SOBP: variants seen among roughly 807,000 people sequenced by gnomAD.
SOBP encodes sine oculis binding protein homolog, also known as sine oculis-binding protein homolog.
In SOBP, 4 loss-of-function variants were observed where a neutral mutation model predicts 53.6. The ratio of observed to expected loss-of-function variants is 0.07; its 90% CI spans 0.04 to 0.17. The LOEUF is 0.17. Among genes scored for constraint, SOBP ranks in the 10% least tolerant of loss-of-function variants. The pLI, the probability that SOBP is intolerant of heterozygous loss-of-function variation, is 1.00. For synonymous variants in SOBP, 584 were observed against 522.6 expected (o/e 1.12, Z -1.60); for missense variants, 1,088 against 1,204.7 (o/e 0.90, Z 1.43).
Position 107,587,323 on chromosome 6 carries a change from A to G in SOBP, c.669+148A>G. ...TAAATGCTAATTCTGATATCACTGAATATTAATTTTAAGATCTCAAATTGT... is the reference window on the plus strand; with the variant it reads ...TAAATGCTAATTCTGATATCACTGAGTATTAATTTTAAGATCTCAAATTGT... On this transcript the variant is annotated intron_variant, in intron 5 of 6. Coordinates refer to ENST00000317357, the MANE Select transcript of SOBP (RefSeq NM_018013.4). 7.3e-6 allele frequency: 5 copies of G among 680,342 alleles called. No individual in the cohort carries two copies. In the South Asian group the frequency reaches 8.5e-5, roughly 12 times the overall value. The allele number at this position is 680,342 out of a possible 1,614,324, so 42.1% of individuals were successfully genotyped here. A position where few individuals can be genotyped will look rare whatever the true frequency, so the allele number is the denominator to read the frequency against.
At chr6:107,629,547 G>C (rs1466988910) in intron 5 of SOBP, among the ~76,000 whole-genome samples, 1 of 152,156 alleles carries the variant, frequency 6.6e-6, no homozygotes, top group Non-Finnish European at 1.5e-5. Context: ...AAAAATAAAG[G>C]CTCAGTTGCC....
rs145235260 is a variant in SOBP, at chr6:107,604,783, T to G, written c.669+17608T>G. 1.6e-4 allele frequency among the ~76,000 whole-genome samples: 24 copies of G among 152,310 alleles called. No homozygotes were observed. The East Asian group carries it at 4.4e-3, about 28-fold the overall frequency. On this transcript the variant is annotated intron_variant, in intron 5 of 6. Transcript: ENST00000317357. ...TTTCCGGACCCAGACCTGCAAATTG[T>G]GTCAGCACCTTGGAGCCTCCGAATC...
At chr6:107,569,968 G>A (rs1785027404) in intron 4 of SOBP, among the ~76,000 whole-genome samples, 1 of 152,126 alleles carries the variant, frequency 6.6e-6, no homozygotes, top group Non-Finnish European at 1.5e-5. Context: ...TCCCTCAACT[G>A]GGGCCCATGA....
At chr6:107,607,462 A>G in intron 5 of SOBP, among the ~76,000 whole-genome samples, 1 of 152,200 alleles carries the variant, frequency 6.6e-6, no homozygotes, top group East Asian at 1.9e-4. Context: ...AAACGCTGGC[A>G]TTGTTGCAGA....
At chr6:107,520,280 T>C (rs1783443741) in intron 3 of SOBP, among the ~76,000 whole-genome samples, 1 of 152,122 alleles carries the variant, frequency 6.6e-6, no homozygotes, top group South Asian at 2.1e-4. Flanking sequence ...TTTAAATGGA[T>C]TGTGTTATTG....
chr6:107,512,187 T>TA (rs1783189814), intron 3 of SOBP, among the ~76,000 whole-genome samples: 2 of 152,248 alleles, frequency 1.3e-5, no homozygotes, highest in East Asian at 1.9e-4. Context: ...TTTGCTAATT[T>TA]AAAAAATCAC....
At chr6:107,652,657 G>T (rs1771852790) in intron 6 of SOBP, among the ~76,000 whole-genome samples, 1 of 152,202 alleles carries the variant, frequency 6.6e-6, no homozygotes, top group Non-Finnish European at 1.5e-5. Flanking sequence ...AGCATGGCAT[G>T]ACACAGAGAA....
chr6:107,561,661 G>A (rs1784776338), intron 4 of SOBP, among the ~76,000 whole-genome samples: 1 of 152,186 alleles, frequency 6.6e-6, no homozygotes, highest in African/African-American at 2.4e-5. Context: ...TTCCTTGTCA[G>A]GTGAAGAAGC....
At chr6:107,604,920 A>T (rs1786316235) in intron 5 of SOBP, among the ~76,000 whole-genome samples, 1 of 152,312 alleles carries the variant, frequency 6.6e-6, no homozygotes, top group East Asian at 1.9e-4. Context: ...GCACTGTGAA[A>T]AATTTAAAAT....
At chr6:107,588,832 C>A (rs1448159495) in intron 5 of SOBP, among the ~76,000 whole-genome samples, 1 of 152,122 alleles carries the variant, frequency 6.6e-6, no homozygotes, top group Non-Finnish European at 1.5e-5. Context: ...TAGTTTTGAG[C>A]AATTTGGTAC....
At chr6:107,532,270 CACCACACA>C (rs1562594174) in intron 3 of SOBP, among the ~76,000 whole-genome samples, 1 of 146,052 alleles carries the variant, frequency 6.8e-6, no homozygotes, top group African/African-American at 2.6e-5. Flanking sequence ...CACACACACA[CACCACACA>C]CACACACACA....
At chr6:107,646,594 G>T (rs1249733974) in intron 6 of SOBP, among the ~76,000 whole-genome samples, 1 of 152,228 alleles carries the variant, frequency 6.6e-6, no homozygotes, top group African/African-American at 2.4e-5. Flanking sequence ...GAAAGGCTCA[G>T]GGGGCTTGCT....
intron 5 of SOBP, among the ~76,000 whole-genome samples, chr6:107,622,994 T>C (rs1770248867): frequency 1.3e-5 from 2 of 152,224 alleles, no homozygotes; most frequent in African/African-American, 4.8e-5. Context: ...AAGGGAATCC[T>C]ACTTTGACCA....
intron 4 of SOBP, among the ~76,000 whole-genome samples, chr6:107,570,138 T>G (rs890738908): frequency 6.6e-6 from 1 of 152,218 alleles, no homozygotes; most frequent in Non-Finnish European, 1.5e-5. Flanking sequence ...TGGTGTTTTT[T>G]CCTTCCCCTT....
intron 3 of SOBP, among the ~76,000 whole-genome samples, chr6:107,529,136 C>T (rs1783748583): frequency 6.6e-6 from 1 of 152,194 alleles, no homozygotes; most frequent in South Asian, 2.1e-4. Context: ...TGTACAGAAA[C>T]TCCTGGTGGA....
At chr6:107,490,744 G>T in intron 1 of SOBP, 32 bp downstream of exon 1, 1 of 1,513,532 alleles carries the variant, frequency 6.6e-7, no homozygotes, top group African/African-American at 1.4e-5. Flanking sequence ...CAGGGAGACT[G>T]AGCTCTTTCT....
At chr6:107,578,836 C>T (rs983610824) in intron 4 of SOBP, among the ~76,000 whole-genome samples, 3 of 152,164 alleles carry the variant, frequency 2.0e-5, no homozygotes, top group African/African-American at 7.2e-5. Context: ...TGAATCTCCT[C>T]TGTAACATCT....
intron 3 of SOBP, among the ~76,000 whole-genome samples, chr6:107,521,403 T>C (rs931842250): frequency 6.6e-6 from 1 of 152,216 alleles, no homozygotes; most frequent in Admixed American, 6.5e-5. Context: ...AGACTAAATA[T>C]AGGATTAAAA....
At chr6:107,654,215 G>A (rs190493465) in intron 6 of SOBP, among the ~76,000 whole-genome samples, 17 of 152,214 alleles carry the variant, frequency 1.1e-4, no homozygotes, top group Non-Finnish European at 2.1e-4. Flanking sequence ...TGGTGCCAGC[G>A]TGTGTGTATG....
Sources: gnomAD v4.1 joint callset for allele counts (sites outside exome capture counted in the v4.1 genomes callset) on GRCh38, gnomAD v4.1.1 for gene constraint, MANE v1.5 for transcripts, NCBI Gene and HGNC (gene_info 2026-07-23, HGNC 2026-07-21) for gene names.